UNC5C: variants seen among roughly 807,000 people sequenced by gnomAD.
The protein encoded by UNC5C is netrin receptor UNC5C.
In UNC5C, 47 loss-of-function variants were observed where a neutral mutation model predicts 99.8. The observed-to-expected ratio is 0.47, with a 90% CI of 0.37 to 0.60. UNC5C has a LOEUF of 0.60. UNC5C is among the 20% of genes least tolerant of loss of function. The pLI, the probability that UNC5C is intolerant of heterozygous loss-of-function variation, is 0.00. For synonymous variants in UNC5C, 487 were observed against 452.2 expected (o/e 1.08, Z -0.98); for missense variants, 1,062 against 1,165.9 (o/e 0.91, Z 1.30).
chr4:95,278,442 G>A lies in UNC5C; in HGVS notation c.491-80C>T, dbSNP rs190441253. 111 of 1,160,264 alleles carry A rather than the reference G, an allele frequency of 9.6e-5. No homozygotes were observed. In the African/African-American group the frequency reaches 1.6e-3, roughly 17 times the overall value. 71.9% of individuals were successfully genotyped at this position (1,160,264 alleles called of 1,614,324 possible). ...TACAGAGAGTACAAAAAATTTTCTGGCTTAGTATTTTATCTGTGCTTTTTT... is the reference window on the plus strand; with the variant it reads ...TACAGAGAGTACAAAAAATTTTCTGACTTAGTATTTTATCTGTGCTTTTTT... On this transcript the variant is annotated intron_variant, in intron 3 of 15. Coordinates refer to ENST00000453304, the MANE Select transcript of UNC5C (RefSeq NM_003728.4).
At chr4:95,361,099 G>A (rs950107948) in intron 1 of UNC5C, among the ~76,000 whole-genome samples, 3 of 152,076 alleles carry the variant, frequency 2.0e-5, no homozygotes, top group African/African-American at 7.2e-5. Context: ...TTGATTTCAG[G>A]GTTCACAGTG....
At chr4:95,199,171 A>T (rs116268381) in intron 12 of UNC5C, among the ~76,000 whole-genome samples, 3,974 of 152,228 alleles carry the variant, frequency 0.026, 71 homozygotes, top group Middle Eastern at 0.054. Context: ...ATTTCTGGGC[A>T]ACAGTGGTTA....
chr4:95,515,274 T>C (rs1464907243), intron 1 of UNC5C, among the ~76,000 whole-genome samples: 1 of 152,206 alleles, frequency 6.6e-6, no homozygotes, highest in Non-Finnish European at 1.5e-5. Context: ...TTCACATGTA[T>C]CTTCTCAAAT....
chr4:95,399,625 G>A (rs1442812034), intron 1 of UNC5C, among the ~76,000 whole-genome samples: 1 of 152,002 alleles, frequency 6.6e-6, no homozygotes, highest in Non-Finnish European at 1.5e-5. Context: ...CCTGCCTCAG[G>A]GCCTTTGCTC....
At chr4:95,291,831 A>G (rs958185698) in intron 3 of UNC5C, among the ~76,000 whole-genome samples, 10 of 152,146 alleles carry the variant, frequency 6.6e-5, no homozygotes, top group African/African-American at 2.4e-4. Flanking sequence ...CCAATTCAAA[A>G]TATGGCCTCT....
chr4:95,211,799 T>C (rs1738083166), intron 10 of UNC5C, among the ~76,000 whole-genome samples: 1 of 152,240 alleles, frequency 6.6e-6, no homozygotes, highest in Non-Finnish European at 1.5e-5. Flanking sequence ...TTTCTCTTAT[T>C]GAGAAGTGTT....
chr4:95,409,239 G>A (rs1745910777), intron 1 of UNC5C, among the ~76,000 whole-genome samples: 1 of 152,086 alleles, frequency 6.6e-6, no homozygotes, highest in Admixed American at 6.6e-5. Flanking sequence ...CTCAAAGGAG[G>A]TAAATGACTT....
intron 2 of UNC5C, among the ~76,000 whole-genome samples, chr4:95,331,736 A>G (rs1004723564): frequency 6.6e-6 from 1 of 152,168 alleles, no homozygotes; most frequent in African/African-American, 2.4e-5. Flanking sequence ...ATTTTTATGT[A>G]CAATTATAAA....
At chr4:95,176,947 T>C (rs1736381451) in intron 14 of UNC5C, among the ~76,000 whole-genome samples, 1 of 151,986 alleles carries the variant, frequency 6.6e-6, no homozygotes, top group African/African-American at 2.4e-5. Context: ...TCTCCTGGTG[T>C]GCCGTTTTTT....
chr4:95,491,344 G>A (rs763223488), intron 1 of UNC5C, among the ~76,000 whole-genome samples: 1 of 151,582 alleles, frequency 6.6e-6, no homozygotes, highest in Non-Finnish European at 1.5e-5. Flanking sequence ...TTGATAGAAA[G>A]AAATGTAGAA....
intron 1 of UNC5C, among the ~76,000 whole-genome samples, chr4:95,363,125 G>A (rs1477199495): frequency 1.3e-5 from 2 of 152,012 alleles, no homozygotes; most frequent in East Asian, 1.9e-4. Context: ...TCACCATAAC[G>A]GTTCTTCTTG....
intron 1 of UNC5C, among the ~76,000 whole-genome samples, chr4:95,362,215 G>A (rs1340005418): frequency 1.3e-5 from 2 of 151,290 alleles, no homozygotes; most frequent in Non-Finnish European, 2.9e-5. Context: ...CACCCTCTTA[G>A]GCCACGTGGT....
rs187606483 is a variant in UNC5C, at chr4:95,188,721, A to G, written c.2137-3525T>C. Among the ~76,000 whole-genome samples, 197 of 152,316 alleles carry G rather than the reference A, an allele frequency of 1.3e-3. 1 individual carries two copies. The highest frequency in any genetic ancestry group is 6.8e-3 in the Middle Eastern group (2 of 294). Reference sequence around the variant, plus strand: ...TAACAAATATACAACTCAATAAGACATGGCTTTACAGTTCAATGTTTTCCT... The same window carrying G: ...TAACAAATATACAACTCAATAAGACGTGGCTTTACAGTTCAATGTTTTCCT... On this transcript the variant is annotated intron_variant, in intron 12 of 15. Transcript: ENST00000453304.
At chr4:95,336,749 T>C (rs1227917287) in intron 1 of UNC5C, among the ~76,000 whole-genome samples, 1 of 151,970 alleles carries the variant, frequency 6.6e-6, no homozygotes, top group Non-Finnish European at 1.5e-5. Context: ...CTGACAAAAC[T>C]AGCATTCCAA....
chr4:95,536,923 A>G (rs185018901), intron 1 of UNC5C, among the ~76,000 whole-genome samples: 7 of 152,290 alleles, frequency 4.6e-5, no homozygotes, highest in Admixed American at 1.3e-4. Flanking sequence ...ACTCAAAATA[A>G]GCTTTTACAA....
chr4:95,437,182 C>CAATTCT (rs1463228817), intron 1 of UNC5C, among the ~76,000 whole-genome samples: 1 of 151,718 alleles, frequency 6.6e-6, no homozygotes, highest in South Asian at 2.1e-4. Flanking sequence ...ATCAATTATG[C>CAATTCT]AATTCTAATT....
chr4:95,273,922 A>G (rs1164388163), intron 4 of UNC5C, among the ~76,000 whole-genome samples: 1 of 152,022 alleles, frequency 6.6e-6, no homozygotes, highest in Non-Finnish European at 1.5e-5. Context: ...GGGACGAGAA[A>G]CACCCTTTTT....
At chr4:95,490,045 AC>A (rs34809034) in intron 1 of UNC5C, among the ~76,000 whole-genome samples, 39,948 of 151,174 alleles carry the variant, frequency 0.26, 6,419 homozygotes, top group Non-Finnish European at 0.35. Flanking sequence ...AGAGAAGGGG[AC>A]CCCAGATGGA....
intron 4 of UNC5C, among the ~76,000 whole-genome samples, chr4:95,270,120 TTTC>T (rs752535086): frequency 2.0e-5 from 3 of 152,178 alleles, no homozygotes; most frequent in Non-Finnish European, 4.4e-5. Flanking sequence ...CTACTATTAT[TTTC>T]TTATTTCTCC....
Sources: gnomAD v4.1 joint callset for allele counts (sites outside exome capture counted in the v4.1 genomes callset) on GRCh38, gnomAD v4.1.1 for gene constraint, MANE v1.5 for transcripts, NCBI Gene and HGNC (gene_info 2026-07-23, HGNC 2026-07-21) for gene names.